Variants in DNAAF9 observed in about 807,000 individuals in gnomAD.
DNAAF9 encodes the protein dynein axonemal assembly factor 9, also known as shulin.
Under a neutral mutation model 167.0 loss-of-function variants are expected in DNAAF9, and 90 were observed. The observed-to-expected ratio is 0.54, with a 90% CI of 0.45 to 0.64. The LOEUF (loss-of-function observed/expected upper bound fraction) is 0.64, where lower values mean the gene tolerates loss of function less well. Ranked by LOEUF, DNAAF9 falls within the 30% of genes least tolerant of loss-of-function variation. The pLI is 0.00. For synonymous variants in DNAAF9, 491 were observed against 508.8 expected (o/e 0.96, Z 0.47); for missense variants, 1,315 against 1,442.2 (o/e 0.91, Z 1.43).
chr20:3,271,111 C>A (rs947081602), intron 29 of DNAAF9, among the ~76,000 whole-genome samples: 6 of 152,086 alleles, frequency 3.9e-5, no homozygotes, highest in African/African-American at 1.2e-4. Flanking sequence ...TTGCACCCGG[C>A]CTCCTCTATT....
intron 2 of DNAAF9, 98 bp downstream of exon 2, chr20:3,382,329 C>T: frequency 1.1e-6 from 1 of 901,504 alleles, no homozygotes; most frequent in East Asian, 2.5e-5. Flanking sequence ...CACCAACTCA[C>T]AGCTTATTTC....
intron 12 of DNAAF9, 70 bp downstream of exon 12, chr20:3,330,576 G>A (rs2069807589): frequency 1.1e-6 from 1 of 898,572 alleles, no homozygotes; most frequent in Non-Finnish European, 1.8e-6. Flanking sequence ...ATCTCAAAAG[G>A]AAGTACACAG....
rs555058661 is a variant in DNAAF9 at position 3,252,456 on chromosome 20, AAGG to A, written c.*113_*115del. On this transcript the variant is annotated 3_prime_UTR_variant, in exon 37 of 37. Coordinates refer to ENST00000252032, the MANE Select transcript of DNAAF9 (RefSeq NM_001009984.3). ...GCACTCAAGCCAGCCCACACAGGCCAAGGAGAACAAAGACAGCCCCTTAAGGGA... is the reference window on the plus strand; with the variant it reads ...GCACTCAAGCCAGCCCACACAGGCCAAGAACAAAGACAGCCCCTTAAGGGA... 616 of 689,908 alleles carry A rather than the reference AAGG, an allele frequency of 8.9e-4. 1 individual carries two copies. The highest frequency in any genetic ancestry group is 1.4e-3 in the Non-Finnish European group (535 of 377,514). 42.7% of individuals were successfully genotyped at this position (689,908 alleles called of 1,614,324 possible).
chr20:3,391,424 T>C (rs1012266329), intron 1 of DNAAF9, among the ~76,000 whole-genome samples: 5 of 152,166 alleles, frequency 3.3e-5, no homozygotes, highest in Admixed American at 3.3e-4. Context: ...TTTTCTACAT[T>C]ACTGCTTTTT....
chr20:3,253,751 A>C lies in DNAAF9; in HGVS notation c.3396T>G (p.Phe1132Leu). The C allele has an allele frequency of 6.2e-7, 1 of 1,612,156 alleles. No homozygotes were observed. The highest frequency in any genetic ancestry group is 8.5e-7 in the Non-Finnish European group (1 of 1,178,196). The change falls in exon 36 of 37, where the codon TTT becomes TTG. Residue 1132 changes from phenylalanine (F) to leucine (L), a missense_variant. Phe to Leu is a conservative substitution (Grantham distance 22). Coordinates refer to ENST00000252032, the MANE Select transcript of DNAAF9 (RefSeq NM_001009984.3). ...GTGGGTGAAAATCAGTTTTGTCACC[A>C]AAGAAGTTAACAAATTGGGTGCCAT... Reference protein sequence around the residue: ...FYNGTQFVNFFGDKTDFHPLM... With the variant: ...FYNGTQFVNFLGDKTDFHPLM...
chr20:3,392,986 A>C (rs1448132068), intron 1 of DNAAF9, among the ~76,000 whole-genome samples: 1 of 152,170 alleles, frequency 6.6e-6, no homozygotes, highest in Non-Finnish European at 1.5e-5. Context: ...CTGTTGGGGA[A>C]GTATTTGTTT....
intron 29 of DNAAF9, among the ~76,000 whole-genome samples, chr20:3,272,066 T>G (rs1322668414): frequency 6.6e-6 from 1 of 152,256 alleles, no homozygotes; most frequent in Middle Eastern, 3.4e-3. Context: ...GCTCCCCTAC[T>G]GTATGATTTT....
intron 1 of DNAAF9, among the ~76,000 whole-genome samples, chr20:3,403,961 T>G (rs1294384633): frequency 6.6e-6 from 1 of 152,192 alleles, no homozygotes; most frequent in African/African-American, 2.4e-5. Flanking sequence ...TTGAACCCAC[T>G]GCACCAAAAC....
chr20:3,330,790 ACT>A, intron 11 of DNAAF9, 108 bp from the exon 12 acceptor site: 2 of 431,044 alleles, frequency 4.6e-6, no homozygotes, highest in South Asian at 8.5e-5. Flanking sequence ...CAAGAACTAC[ACT>A]TTTTTTTTTT....
chr20:3,394,942 CTTTTTTCTTTTTTTTTTTTTTTTTTTT>C (rs1384076433), intron 1 of DNAAF9, among the ~76,000 whole-genome samples: 12 of 89,056 alleles, frequency 1.3e-4, no homozygotes, highest in African/African-American at 1.9e-4. Flanking sequence ...TGAACATTTT[CTTTTTTCTTTTTTTTTTTTTTTTTTTT>C]TTTTTTTTTT....
chr20:3,312,775 T>G (rs2069437444), intron 20 of DNAAF9, among the ~76,000 whole-genome samples: 1 of 152,202 alleles, frequency 6.6e-6, no homozygotes. Context: ...CAGCTCCTGA[T>G]CTGAATCCCA....
chr20:3,277,849 C>T (rs935151995), intron 29 of DNAAF9, among the ~76,000 whole-genome samples: 1 of 152,146 alleles, frequency 6.6e-6, no homozygotes, highest in Non-Finnish European at 1.5e-5. Context: ...AGCCTCCTGC[C>T]CTGGGCAGCA....
chr20:3,317,606 C>CT (rs1050562405), intron 17 of DNAAF9, among the ~76,000 whole-genome samples: 6 of 151,430 alleles, frequency 4.0e-5, no homozygotes, highest in African/African-American at 1.5e-4. Flanking sequence ...TTTCAAATTG[C>CT]TTTTTTTTGA....
chr20:3,253,068 C>T (rs555215413), intron 36 of DNAAF9, among the ~76,000 whole-genome samples: 1 of 152,192 alleles, frequency 6.6e-6, no homozygotes, highest in East Asian at 1.9e-4. Flanking sequence ...TCATGCCTGC[C>T]ATACTAGCAA....
intron 1 of DNAAF9, among the ~76,000 whole-genome samples, chr20:3,395,222 C>T (rs1272129076): frequency 7.9e-5 from 11 of 139,624 alleles, no homozygotes; most frequent in African/African-American, 2.0e-4. Context: ...CCGCCCGTCT[C>T]GGCCTCCCAA....
At chr20:3,330,945 C>T (rs886757905) in intron 11 of DNAAF9, among the ~76,000 whole-genome samples, 7 of 152,014 alleles carry the variant, frequency 4.6e-5, no homozygotes, top group African/African-American at 1.4e-4. Context: ...GTGCACGCCA[C>T]CATGCCCCGC....
At chr20:3,332,900 GGTGTGTGTGTGTGTGT>G (rs3082550) in intron 10 of DNAAF9, among the ~76,000 whole-genome samples, 6 of 146,840 alleles carry the variant, frequency 4.1e-5, no homozygotes, top group Admixed American at 1.4e-4. Flanking sequence ...GTGTGCGTGT[GGTGTGTGTGTGTGTGT>G]GTGTGTGTGT....
At chr20:3,313,032 T>C (rs1206565763) in intron 20 of DNAAF9, among the ~76,000 whole-genome samples, 1 of 152,206 alleles carries the variant, frequency 6.6e-6, no homozygotes, top group African/African-American at 2.4e-5. Flanking sequence ...CTCAATACAA[T>C]GCAAGACTAT....
At chr20:3,376,077 A>G (rs1015608352) in intron 4 of DNAAF9, 101 bp downstream of exon 4, 30 of 1,070,722 alleles carry the variant, frequency 2.8e-5, no homozygotes, top group Non-Finnish European at 3.8e-5. Flanking sequence ...TTATATAGTC[A>G]CACTCTGCAA....
Sources: allele counts gnomAD v4.1 joint callset (sites outside exome capture counted in the v4.1 genomes callset), GRCh38; gene constraint gnomAD v4.1.1; transcripts MANE v1.5; gene names NCBI Gene and HGNC (gene_info 2026-07-23, HGNC 2026-07-21).